Variants in SPATA1 observed in about 807,000 individuals in gnomAD.
SPATA1 encodes spermatogenesis-associated protein 1.
Under a neutral mutation model 59.6 loss-of-function variants are expected in SPATA1, and 57 were observed. The ratio of observed to expected loss-of-function variants is 0.96; its 90% CI spans 0.77 to 1.19. The LOEUF (loss-of-function observed/expected upper bound fraction) is 1.19, where lower values mean the gene tolerates loss of function less well. Ranked by LOEUF, SPATA1 falls within the 50% of genes most tolerant of loss-of-function variation. SPATA1 has a pLI of 0.00. For missense variants in SPATA1, 448 were observed against 480.7 expected (o/e 0.93, Z 0.64); for synonymous variants, 147 against 163.9 (o/e 0.90, Z 0.79).
chr1:84,511,655 CTTTTTTTTTTTTTTTCTTTCTTTCTTTT>C (rs1217162625), intron 1 of SPATA1, among the ~76,000 whole-genome samples: 15 of 81,142 alleles, frequency 1.8e-4, no homozygotes, highest in African/African-American at 5.9e-4. Context: ...GCATTTCAGG[CTTTTTTTTTTTTTTTCTTTCTTTCTTTT>C]TTTTTTTTTT....
downstream of SPATA1, among the ~76,000 whole-genome samples, chr1:84,567,249 C>T (rs897410045): frequency 6.6e-6 from 1 of 152,102 alleles, no homozygotes. Context: ...AGTTTTCCAA[C>T]AAAATAAGTT....
chr1:84,514,628 C>T (rs2101919755), intron 1 of SPATA1, among the ~76,000 whole-genome samples: 1 of 152,110 alleles, frequency 6.6e-6, no homozygotes, highest in East Asian at 1.9e-4. Flanking sequence ...CTCAGGACAA[C>T]AATAAAGCAG....
chr1:84,511,945 G>A (rs1682583064), intron 1 of SPATA1, among the ~76,000 whole-genome samples: 1 of 152,094 alleles, frequency 6.6e-6, no homozygotes, highest in Admixed American at 6.5e-5. Context: ...GCCTCCCAAA[G>A]TGCTGGGATT....
At chr1:84,549,041 C>A (rs138718944) in intron 11 of SPATA1, 77 bp downstream of exon 11, 507 of 1,322,814 alleles carry the variant, frequency 3.8e-4, no homozygotes, top group Non-Finnish European at 4.5e-4. Flanking sequence ...AGTAGTATCA[C>A]AAGATGCATT....
intron 8 of SPATA1, among the ~76,000 whole-genome samples, chr1:84,542,001 G>T (rs7532298): frequency 6.6e-6 from 1 of 151,612 alleles, no homozygotes; most frequent in East Asian, 1.9e-4. Context: ...ATGGAGTCTC[G>T]CTCTCTTGCC....
chr1:84,552,896 C>T, intron 12 of SPATA1: 1 of 601,056 alleles, frequency 1.7e-6, no homozygotes, highest in Non-Finnish European at 2.9e-6. Context: ...TGTAGTAATC[C>T]AGTGGGAGTT....
intron 6 of SPATA1, among the ~76,000 whole-genome samples, chr1:84,528,730 A>G (rs1401940210): frequency 6.6e-6 from 1 of 152,198 alleles, no homozygotes; most frequent in African/African-American, 2.4e-5. Context: ...GGCATTGTTC[A>G]TTGTTCATGT....
intron 2 of SPATA1, among the ~76,000 whole-genome samples, chr1:84,517,853 T>A (rs976981265): frequency 6.6e-6 from 1 of 152,126 alleles, no homozygotes; most frequent in African/African-American, 2.4e-5. Flanking sequence ...AGTAGCTTCA[T>A]AACAAGTTCT....
intron 2 of SPATA1, among the ~76,000 whole-genome samples, chr1:84,518,756 A>G (rs1465172084): frequency 1.3e-5 from 2 of 151,582 alleles, no homozygotes; most frequent in Non-Finnish European, 2.9e-5. Context: ...TCACTTGGCT[A>G]ATTCCTTCTT....
At chr1:84,535,063 G>T (rs192209761) in intron 8 of SPATA1, among the ~76,000 whole-genome samples, 1 of 152,180 alleles carries the variant, frequency 6.6e-6, no homozygotes, top group East Asian at 1.9e-4. Flanking sequence ...TGTGGTTGTG[G>T]TTCAGTTGAG....
At chr1:84,512,330 TCA>T (rs897611141) in intron 1 of SPATA1, among the ~76,000 whole-genome samples, 4 of 152,158 alleles carry the variant, frequency 2.6e-5, no homozygotes, top group African/African-American at 9.7e-5. Context: ...ACTAAGAAAC[TCA>T]CACTCAGACC....
exon 13 of SPATA1, chr1:84,553,174 G>A: frequency 9.5e-7 from 1 of 1,055,844 alleles, no homozygotes; most frequent in Non-Finnish European, 1.4e-6. Flanking sequence ...ATATGTATTT[G>A]AACAGATTTG....
chr1:84,542,798 T>C (rs964674291), intron 8 of SPATA1, among the ~76,000 whole-genome samples: 2 of 152,290 alleles, frequency 1.3e-5, no homozygotes, highest in African/African-American at 4.8e-5. Flanking sequence ...GTGGCTGCCA[T>C]TATCCTGTGG....
downstream of SPATA1, among the ~76,000 whole-genome samples, chr1:84,566,571 A>G (rs1167622256): frequency 6.6e-6 from 1 of 152,202 alleles, no homozygotes; most frequent in African/African-American, 2.4e-5. Flanking sequence ...TCAAGTCAAA[A>G]TGTTGAATAA....
At chr1:84,525,504 G>C (rs1301093448) in intron 4 of SPATA1, among the ~76,000 whole-genome samples, 192 bp from the exon 5 acceptor site, 1 of 152,054 alleles carries the variant, frequency 6.6e-6, no homozygotes, top group Non-Finnish European at 1.5e-5. Flanking sequence ...TAAATGAATA[G>C]AATTTCTATT....
chr1:84,555,345 A>G, downstream of SPATA1: 1 of 582,114 alleles, frequency 1.7e-6, no homozygotes, highest in East Asian at 2.9e-5. Context: ...ACAATGAAAT[A>G]AAAATTTTAG....
intron 8 of SPATA1, among the ~76,000 whole-genome samples, chr1:84,537,333 G>A (rs551309662): frequency 6.6e-6 from 1 of 152,252 alleles, no homozygotes; most frequent in Admixed American, 6.5e-5. Flanking sequence ...GACTAATCAT[G>A]ATGTTCCTGA....
downstream of SPATA1, among the ~76,000 whole-genome samples, chr1:84,558,266 T>C (rs1455395240): frequency 6.6e-6 from 1 of 151,706 alleles, no homozygotes; most frequent in Non-Finnish European, 1.5e-5. Flanking sequence ...ACACCATAAA[T>C]ACAGATAATT....
At chr1:84,525,732 T>C in exon 5 of SPATA1, 2 of 1,599,002 alleles carry the variant, frequency 1.3e-6, no homozygotes, top group South Asian at 2.3e-5. Flanking sequence ...GAAACTCAAA[T>C]CATTTGCTCC....
Sources: gnomAD v4.1 joint callset for allele counts (sites outside exome capture counted in the v4.1 genomes callset) on GRCh38, gnomAD v4.1.1 for gene constraint, MANE v1.5 for transcripts, NCBI Gene and HGNC (gene_info 2026-07-23, HGNC 2026-07-21) for gene names.